The following ST6GALNAC3 variants were observed in gnomAD, a reference collection of about 807,000 sequenced individuals.
ST6GALNAC3 encodes the protein alpha-N-acetylgalactosaminide alpha-2,6-sialyltransferase 3.
A neutral mutation model predicts 32.7 loss-of-function variants in ST6GALNAC3; 25 were observed. The ratio of observed to expected loss-of-function variants is 0.76; its 90% CI spans 0.56 to 1.07. The LOEUF is 1.07. Ranked by LOEUF, ST6GALNAC3 falls within the 50% of genes least tolerant of loss-of-function variation. The pLI is 0.00. For missense variants in ST6GALNAC3, 355 were observed against 382.4 expected, an observed-to-expected ratio of 0.93 and a Z score of 0.60; for synonymous variants, 129 against 133.1, an observed-to-expected ratio of 0.97 and a Z score of 0.21.
chr1:76,461,773 G>A (rs1658293901), intron 3 of ST6GALNAC3, among the ~76,000 whole-genome samples: 2 of 152,270 alleles, frequency 1.3e-5, no homozygotes, highest in South Asian at 2.1e-4. Context: ...GGCTCCCTAG[G>A]TACATTGTTT....
intron 3 of ST6GALNAC3, among the ~76,000 whole-genome samples, chr1:76,617,712 A>G (rs776672356): frequency 2.0e-5 from 3 of 152,186 alleles, no homozygotes; most frequent in Non-Finnish European, 2.9e-5. Flanking sequence ...TGTGTTAAAG[A>G]AGATCTTAGA....
At chr1:76,592,877 C>T (rs1647070579) in intron 3 of ST6GALNAC3, among the ~76,000 whole-genome samples, 3 of 152,150 alleles carry the variant, frequency 2.0e-5, no homozygotes, top group Admixed American at 2.0e-4. Context: ...CCTTACATAA[C>T]TTGGAATGGT....
intron 3 of ST6GALNAC3, among the ~76,000 whole-genome samples, chr1:76,477,381 C>T (rs1162151569): frequency 1.3e-5 from 2 of 152,104 alleles, no homozygotes; most frequent in East Asian, 3.9e-4. Flanking sequence ...AGGTCCTGGC[C>T]CCAGGCCCTA....
intron 2 of ST6GALNAC3, among the ~76,000 whole-genome samples, chr1:76,389,011 CCTT>C (rs1243555169): frequency 9.3e-6 from 1 of 107,910 alleles, no homozygotes; most frequent in Non-Finnish European, 1.8e-5. Context: ...TGGTATATTT[CCTT>C]TTTTTTTTTT....
chr1:76,531,662 A>G (rs1433714467), intron 3 of ST6GALNAC3, among the ~76,000 whole-genome samples: 1 of 152,310 alleles, frequency 6.6e-6, no homozygotes, highest in South Asian at 2.1e-4. Context: ...TCCAGGTACA[A>G]AATACAATAA....
intron 1 of ST6GALNAC3, among the ~76,000 whole-genome samples, chr1:76,208,042 C>CG (rs1654921119): frequency 1.0e-4 from 1 of 9,538 alleles, no homozygotes; most frequent in Non-Finnish European, 5.8e-4. Flanking sequence ...CTCAAGAGTG[C>CG]CCCCCCCCCC....
chr1:76,309,184 C>G (rs1321118480), intron 1 of ST6GALNAC3, among the ~76,000 whole-genome samples: 1 of 152,116 alleles, frequency 6.6e-6, no homozygotes, highest in Non-Finnish European at 1.5e-5. Context: ...CATTTGACAC[C>G]TGGTATTATA....
chr1:76,636,093 G>A (rs1040636871), downstream of ST6GALNAC3, among the ~76,000 whole-genome samples: 2 of 152,076 alleles, frequency 1.3e-5, no homozygotes, highest in Non-Finnish European at 2.9e-5. Context: ...AAAAATTTTT[G>A]TGTATGGATA....
intron 3 of ST6GALNAC3, among the ~76,000 whole-genome samples, chr1:76,497,373 G>C (rs532012304): frequency 3.3e-5 from 5 of 152,262 alleles, no homozygotes; most frequent in Admixed American, 2.6e-4. Flanking sequence ...TTAAAAGAGA[G>C]CTCTGGAAGA....
At chr1:76,130,262 C>T (rs1649524812) in intron 1 of ST6GALNAC3, among the ~76,000 whole-genome samples, 1 of 152,198 alleles carries the variant, frequency 6.6e-6, no homozygotes, top group South Asian at 2.1e-4. Flanking sequence ...GCTAGACCAC[C>T]ACCCAGGAAT....
chr1:76,299,793 C>T (rs527607426), intron 1 of ST6GALNAC3, among the ~76,000 whole-genome samples: 45 of 147,394 alleles, frequency 3.1e-4, no homozygotes, highest in Middle Eastern at 3.4e-3. Flanking sequence ...ATGGAATCAA[C>T]AAATAATCTC....
intron 3 of ST6GALNAC3, among the ~76,000 whole-genome samples, chr1:76,602,054 G>T (rs1269860766): frequency 2.0e-5 from 3 of 152,132 alleles, no homozygotes; most frequent in Non-Finnish European, 4.4e-5. Flanking sequence ...TAATTGCTTT[G>T]CAAAGTAAGG....
In ST6GALNAC3 at chr1:76,359,628, A is replaced by T. The variant is rs149109770; in HGVS notation, c.213+45629A>T. Among the ~76,000 whole-genome samples the T allele has an allele frequency of 6.8e-3, 1,033 of 152,296 alleles. 7 individuals carry two copies. The highest frequency in any genetic ancestry group is 0.024 in the African/African-American group (1,010 of 41,554). On this transcript the variant is annotated intron_variant, in intron 2 of 4. Transcript: ENST00000328299. ...GGAGACAATAGAATGCAGTTATTTA[A>T]GCCACTCAGTTTCTAATACTTTGTT... is the stretch of plus-strand genomic sequence containing the variant.
intron 1 of ST6GALNAC3, among the ~76,000 whole-genome samples, chr1:76,295,011 G>T (rs1221118054): frequency 2.0e-5 from 3 of 151,982 alleles, no homozygotes; most frequent in Non-Finnish European, 4.4e-5. Context: ...GTTGTAATTT[G>T]TTTCTTCTTC....
intron 3 of ST6GALNAC3, among the ~76,000 whole-genome samples, chr1:76,598,997 C>A (rs1647179385): frequency 6.6e-6 from 1 of 152,048 alleles, no homozygotes; most frequent in African/African-American, 2.4e-5. Context: ...ATTTATTTTT[C>A]AAAAGTAATC....
intron 3 of ST6GALNAC3, among the ~76,000 whole-genome samples, chr1:76,529,819 T>C: frequency 6.6e-6 from 1 of 152,172 alleles, no homozygotes; most frequent in East Asian, 1.9e-4. Flanking sequence ...TTTGGGCAAA[T>C]TGTTTTACCT....
intron 1 of ST6GALNAC3, among the ~76,000 whole-genome samples, chr1:76,216,193 A>G: frequency 6.6e-6 from 1 of 152,148 alleles, no homozygotes; most frequent in Non-Finnish European, 1.5e-5. Flanking sequence ...GTTTTTGCTC[A>G]GATTACAACC....
chr1:76,299,676 G>T (rs1660613676), intron 1 of ST6GALNAC3, among the ~76,000 whole-genome samples: 1 of 151,968 alleles, frequency 6.6e-6, no homozygotes. Context: ...TTGGAAAAAT[G>T]GCCTCTGTTT....
At chr1:76,341,612 T>G (rs140272678) in intron 2 of ST6GALNAC3, among the ~76,000 whole-genome samples, 9 of 90,748 alleles carry the variant, frequency 9.9e-5, no homozygotes, top group African/African-American at 1.4e-4. Flanking sequence ...TGCTTTTCTT[T>G]CTTTCTTTCT....
Sources: gnomAD v4.1 joint callset for allele counts (sites outside exome capture counted in the v4.1 genomes callset) on GRCh38, gnomAD v4.1.1 for gene constraint, MANE v1.5 for transcripts, NCBI Gene and HGNC (gene_info 2026-07-23, HGNC 2026-07-21) for gene names.